SNTG1: variants seen among roughly 807,000 people sequenced by gnomAD.
The protein encoded by SNTG1 is gamma-1-syntrophin.
A neutral mutation model predicts 74.7 loss-of-function variants in SNTG1; 39 were observed. That is an observed-to-expected ratio of 0.52 (90% CI 0.40 to 0.68). The LOEUF (loss-of-function observed/expected upper bound fraction) is 0.68, where lower values mean the gene tolerates loss of function less well. Ranked by LOEUF, SNTG1 falls within the 30% of genes least tolerant of loss-of-function variation. The pLI is 0.00. For missense variants in SNTG1, 685 were observed against 609.5 expected, an observed-to-expected ratio of 1.12 and a Z score of -1.30; for synonymous variants, 254 against 217.1, an observed-to-expected ratio of 1.17 and a Z score of -1.49.
chr8:50,365,530 C>G (rs980100245), intron 2 of SNTG1, among the ~76,000 whole-genome samples: 11 of 151,950 alleles, frequency 7.2e-5, no homozygotes, highest in African/African-American at 2.4e-4. Flanking sequence ...TATATCTGAT[C>G]TAAAGTATTT....
At chr8:49,944,803 A>T (rs1462637030) in intron 1 of SNTG1, among the ~76,000 whole-genome samples, 2 of 151,820 alleles carry the variant, frequency 1.3e-5, no homozygotes, top group African/African-American at 4.8e-5. Context: ...AAAAAAAAAA[A>T]AAAAGATGGA....
At chr8:50,377,099 C>T (rs554215450) in intron 2 of SNTG1, among the ~76,000 whole-genome samples, 3 of 152,062 alleles carry the variant, frequency 2.0e-5, no homozygotes, top group African/African-American at 4.8e-5. Flanking sequence ...GGAGGCTGCT[C>T]TTGGGGAATT....
chr8:50,770,553 T>A (rs939211620), intron 18 of SNTG1, among the ~76,000 whole-genome samples: 1 of 152,048 alleles, frequency 6.6e-6, no homozygotes, highest in Non-Finnish European at 1.5e-5. Context: ...AAAAGCATAA[T>A]CTCAAGAAGA....
intron 2 of SNTG1, among the ~76,000 whole-genome samples, chr8:50,185,359 A>G (rs1354030472): frequency 6.6e-6 from 1 of 152,182 alleles, no homozygotes; most frequent in Non-Finnish European, 1.5e-5. Flanking sequence ...GCCATATGGA[A>G]CTGTGAGTCG....
At chr8:50,212,170 T>C (rs16914495) in intron 2 of SNTG1, among the ~76,000 whole-genome samples, 3,494 of 152,294 alleles carry the variant, frequency 0.023, 129 homozygotes, top group African/African-American at 0.079. Flanking sequence ...CAATTTCTTG[T>C]ACAGTATCTG....
At chr8:50,593,782 A>G (rs1378069384) in intron 13 of SNTG1, among the ~76,000 whole-genome samples, 3 of 151,424 alleles carry the variant, frequency 2.0e-5, no homozygotes, top group Non-Finnish European at 4.4e-5. Context: ...CAGTGGCACA[A>G]TCTTGGCTCA....
chr8:50,635,167 T>C (rs751260587), intron 13 of SNTG1, among the ~76,000 whole-genome samples: 19 of 152,192 alleles, frequency 1.2e-4, no homozygotes, highest in Non-Finnish European at 1.9e-4. Context: ...ATATAAATCA[T>C]GTGCAGATGA....
At chr8:49,973,516 T>TA (rs879358498) in intron 1 of SNTG1, among the ~76,000 whole-genome samples, 2,304 of 129,878 alleles carry the variant, frequency 0.018, 26 homozygotes, top group African/African-American at 0.022. Context: ...AGCATAATAA[T>TA]AAAAAAAAAA....
At chr8:50,033,651 A>G (rs1334794025) in intron 1 of SNTG1, among the ~76,000 whole-genome samples, 1 of 151,216 alleles carries the variant, frequency 6.6e-6, no homozygotes, top group Non-Finnish European at 1.5e-5. Context: ...TTCTCATGTG[A>G]TTTTTTTTCT....
chr8:50,155,045 C>A (rs1001465949), intron 1 of SNTG1, among the ~76,000 whole-genome samples: 3 of 152,100 alleles, frequency 2.0e-5, no homozygotes, highest in East Asian at 1.9e-4. Flanking sequence ...AGTAAAAATT[C>A]AATTGAAATA....
chr8:50,310,773 A>C (rs1282474436), intron 2 of SNTG1, among the ~76,000 whole-genome samples: 1 of 152,240 alleles, frequency 6.6e-6, no homozygotes, highest in Non-Finnish European at 1.5e-5. Context: ...AAGTGTTTTT[A>C]CATAAGATTT....
intron 18 of SNTG1, among the ~76,000 whole-genome samples, chr8:50,772,461 C>A (rs552992918): frequency 3.3e-5 from 5 of 152,124 alleles, no homozygotes; most frequent in African/African-American, 1.2e-4. Context: ...ACTATTTTAT[C>A]TTGGAAATAA....
At chr8:49,914,513 G>T (rs1201444991) in intron 1 of SNTG1, among the ~76,000 whole-genome samples, 3 of 152,028 alleles carry the variant, frequency 2.0e-5, no homozygotes, top group Admixed American at 6.6e-5. Context: ...ATGAGCCCTG[G>T]AATCCATTCA....
intron 2 of SNTG1, among the ~76,000 whole-genome samples, chr8:50,287,019 A>C (rs1396828489): frequency 2.0e-5 from 3 of 151,984 alleles, no homozygotes; most frequent in Non-Finnish European, 4.4e-5. Context: ...CTTTCTTATC[A>C]ATGGCCTTGT....
At chr8:50,541,625 T>C (rs1158131001) in intron 11 of SNTG1, among the ~76,000 whole-genome samples, 1 of 152,138 alleles carries the variant, frequency 6.6e-6, no homozygotes. Flanking sequence ...ACTTACAATA[T>C]CCATCATCTT....
chr8:50,069,435 A>G (rs1450267085), intron 1 of SNTG1, among the ~76,000 whole-genome samples: 1 of 152,206 alleles, frequency 6.6e-6, no homozygotes. Flanking sequence ...TATTATCCAC[A>G]GAATATTTAC....
rs551229610 is a variant in SNTG1, at chr8:50,094,667, G to C, written c.-102-77894G>C. Among the ~76,000 whole-genome samples, 167 of 152,180 alleles carry C rather than the reference G, an allele frequency of 1.1e-3. 1 individual carries two copies. Among genetic ancestry groups the C allele is most frequent in the Admixed American group, 3.7e-3 (57 of 15,274 alleles). ...ACACCAAATCAGAATGGCTATGAAA[G>C]AGTCAAAAAAATAACAGATACATGT... is the stretch of plus-strand genomic sequence containing the variant. On this transcript the variant is annotated intron_variant, in intron 1 of 18. Coordinates refer to ENST00000642720, the MANE Select transcript of SNTG1 (RefSeq NM_018967.5).
rs570423127 is a variant in SNTG1, at chr8:50,687,953, T to C, written c.1039-16647T>C. 4.1e-4 allele frequency among the ~76,000 whole-genome samples: 62 copies of C among 152,352 alleles called. 1 individual carries two copies. The highest frequency in any genetic ancestry group is 7.3e-4 in the Non-Finnish European group (50 of 68,036). ...ACTTTTTAATGATCGCCATTCTCACTGGTGTTAGATGGTATCTCATTGTGG... is the reference window on the plus strand; with the variant it reads ...ACTTTTTAATGATCGCCATTCTCACCGGTGTTAGATGGTATCTCATTGTGG... On this transcript the variant is annotated intron_variant, in intron 15 of 18. Transcript: ENST00000642720.
In SNTG1 at chr8:50,735,174, A is replaced by T. The variant is rs1043230675; in HGVS notation, c.1285-16827A>T. Among the ~76,000 whole-genome samples, 6 of 151,632 alleles carry T rather than the reference A, an allele frequency of 4.0e-5. No individual in the cohort carries two copies. The East Asian group carries it at 1.2e-3, about 30-fold the overall frequency. On this transcript the variant is annotated intron_variant, in intron 17 of 18. Coordinates refer to ENST00000642720, the MANE Select transcript of SNTG1 (RefSeq NM_018967.5). ...CTGCCCGACATATTGGATTTAAAAA[A>T]TGATCTAACTGTATGCTGTACACAA...
Sources: allele counts gnomAD v4.1 joint callset (sites outside exome capture counted in the v4.1 genomes callset), GRCh38; gene constraint gnomAD v4.1.1; transcripts MANE v1.5; gene names NCBI Gene and HGNC (gene_info 2026-07-23, HGNC 2026-07-21).